SPOCK1: variants seen among roughly 807,000 people sequenced by gnomAD.
SPOCK1 encodes the protein testican-1.
SPOCK1 carries 23 observed loss-of-function variants against 55.3 expected under a neutral mutation model. The ratio of observed to expected loss-of-function variants is 0.42; its 90% CI spans 0.30 to 0.59. The LOEUF (loss-of-function observed/expected upper bound fraction) is 0.59. Among genes scored for constraint, SPOCK1 ranks in the 20% least tolerant of loss-of-function variants. The pLI is 0.22. For synonymous variants in SPOCK1, 226 were observed against 221.0 expected (o/e 1.02, Z -0.20); for missense variants, 499 against 552.5 (o/e 0.90, Z 0.97).
chr5:137,321,180 C>A, intron 2 of SPOCK1, among the ~76,000 whole-genome samples: 1 of 145,506 alleles, frequency 6.9e-6, no homozygotes. Context: ...ATTATTCAGT[C>A]ATAGAAACAC....
intron 4 of SPOCK1, among the ~76,000 whole-genome samples, chr5:137,117,764 A>G (rs1166988362): frequency 1.3e-5 from 2 of 152,056 alleles, no homozygotes; most frequent in African/African-American, 4.8e-5. Context: ...CTCTAGAAAC[A>G]ACTGAGAAGT....
chr5:137,275,992 G>A (rs1381504281), intron 2 of SPOCK1, among the ~76,000 whole-genome samples: 1 of 152,126 alleles, frequency 6.6e-6, no homozygotes, highest in African/African-American at 2.4e-5. Context: ...GCCCTGCCCA[G>A]GCTGTTCACA....
intron 5 of SPOCK1, among the ~76,000 whole-genome samples, chr5:137,078,223 C>T (rs150111727): frequency 2.0e-5 from 3 of 152,214 alleles, no homozygotes; most frequent in Non-Finnish European, 2.9e-5. Flanking sequence ...GCTCAGGCAG[C>T]GCTAGGAGAA....
chr5:137,148,635 A>G (rs1754251537), intron 3 of SPOCK1, among the ~76,000 whole-genome samples: 1 of 152,244 alleles, frequency 6.6e-6, no homozygotes. Flanking sequence ...CTGTCACCCA[A>G]TTAGGGGGCT....
intron 3 of SPOCK1, among the ~76,000 whole-genome samples, chr5:137,249,743 A>G (rs760334768): frequency 1.2e-4 from 18 of 152,254 alleles, no homozygotes; most frequent in Non-Finnish European, 2.6e-4. Context: ...GCCTTCCCAA[A>G]TTATAAGTAA....
intron 2 of SPOCK1, among the ~76,000 whole-genome samples, chr5:137,444,054 C>G (rs1580930564): frequency 6.6e-6 from 1 of 152,168 alleles, no homozygotes; most frequent in South Asian, 2.1e-4. Flanking sequence ...AGTCATCCTA[C>G]CCATGAAGAG....
chr5:137,412,990 A>AG (rs892918072), intron 2 of SPOCK1, among the ~76,000 whole-genome samples: 2 of 152,066 alleles, frequency 1.3e-5, no homozygotes, highest in Non-Finnish European at 2.9e-5. Context: ...GGAAAAAAAA[A>AG]AAGGTACCTT....
chr5:137,138,189 G>A (rs1347407242), intron 4 of SPOCK1, among the ~76,000 whole-genome samples: 1 of 152,182 alleles, frequency 6.6e-6, no homozygotes, highest in Non-Finnish European at 1.5e-5. Flanking sequence ...TGGGAATTGA[G>A]CCCAGATGGG....
intron 2 of SPOCK1, among the ~76,000 whole-genome samples, chr5:137,268,456 T>C (rs1453348305): frequency 6.6e-6 from 1 of 152,172 alleles, no homozygotes; most frequent in Admixed American, 6.5e-5. Flanking sequence ...ACTAAGGAAA[T>C]TTAAAACAGT....
At chr5:137,279,281 G>A (rs1757127427) in intron 2 of SPOCK1, among the ~76,000 whole-genome samples, 1 of 152,250 alleles carries the variant, frequency 6.6e-6, no homozygotes, top group Non-Finnish European at 1.5e-5. Context: ...GGTCTAGCCA[G>A]AGGAGAAGTA....
At chr5:137,017,181 G>A (rs987825050) in intron 6 of SPOCK1, among the ~76,000 whole-genome samples, 1 of 152,244 alleles carries the variant, frequency 6.6e-6, no homozygotes, top group Non-Finnish European at 1.5e-5. Flanking sequence ...TCAGCCACAG[G>A]AGGCAGCACA....
chr5:137,320,061 C>G (rs1221436423), intron 2 of SPOCK1, among the ~76,000 whole-genome samples: 1 of 151,982 alleles, frequency 6.6e-6, no homozygotes, highest in Non-Finnish European at 1.5e-5. Flanking sequence ...TCAAGAACAG[C>G]TACATTGAAA....
chr5:137,190,732 G>A (rs1755165110), intron 3 of SPOCK1, among the ~76,000 whole-genome samples: 1 of 152,034 alleles, frequency 6.6e-6, no homozygotes, highest in Non-Finnish European at 1.5e-5. Context: ...CAGCCTTCAG[G>A]TCCTTCAGGT....
At chr5:137,450,677 A>G (rs1450321469) in intron 2 of SPOCK1, among the ~76,000 whole-genome samples, 1 of 152,076 alleles carries the variant, frequency 6.6e-6, no homozygotes, top group Non-Finnish European at 1.5e-5. Flanking sequence ...ACTTCACAAC[A>G]ATATTCAGCT....
In SPOCK1 at chr5:137,356,798, AATATATATATAT is replaced by A. The variant is rs1191051173; in HGVS notation, c.187-89755_187-89744del. 5.2e-3 allele frequency among the ~76,000 whole-genome samples: 72 copies of A among 13,732 alleles called. 5 individuals are homozygous for A. Among genetic ancestry groups the A allele is most frequent in the African/African-American group, 0.02 (55 of 2,814 alleles). 9.0% of individuals were successfully genotyped at this position (13,732 alleles called of 152,430 possible). A position where few individuals can be genotyped will look rare whatever the true frequency, so the allele number is the denominator to read the frequency against. On this transcript the variant is annotated intron_variant, in intron 2 of 10. Transcript: ENST00000394945. ...AGAGCAAGACTGTCTCAAAAAAAAT[AATATATATATAT>A]ATATATATATATATATATATATATA...
intron 3 of SPOCK1, among the ~76,000 whole-genome samples, chr5:137,176,501 A>AAT (rs930143660): frequency 7.4e-5 from 4 of 53,962 alleles, no homozygotes; most frequent in Non-Finnish European, 1.1e-4. Context: ...CCCCCACCAC[A>AAT]ATGTGTGTGT....
rs114997832 is a variant in SPOCK1 at position 137,461,993 on chromosome 5, C to T, written c.186+36380G>A. Among the ~76,000 whole-genome samples, 998 of 152,248 alleles carry T rather than the reference C, an allele frequency of 6.6e-3. 10 individuals carry two copies. The highest frequency in any genetic ancestry group is 0.023 in the African/African-American group (949 of 41,554). The stretch of plus-strand genomic sequence containing the variant: ...GGAAAACAAGGAGACTCATCCAGAG[C>T]CCCAGATAAAAGGCCAAATGAGGAC... On this transcript the variant is annotated intron_variant, in intron 2 of 10. Transcript: ENST00000394945.
chr5:136,986,689 T>C (rs535905461), intron 8 of SPOCK1, among the ~76,000 whole-genome samples: 9 of 152,174 alleles, frequency 5.9e-5, no homozygotes, highest in African/African-American at 1.9e-4. Flanking sequence ...GGAGGGAATA[T>C]AGTGCAAAAA....
At chr5:137,093,657 C>T (rs1753086971) in intron 5 of SPOCK1, among the ~76,000 whole-genome samples, 1 of 152,158 alleles carries the variant, frequency 6.6e-6, no homozygotes, top group Non-Finnish European at 1.5e-5. Context: ...AGGAGATAAC[C>T]TTCCAGCTAA....
Sources: gnomAD v4.1 joint callset for allele counts (sites outside exome capture counted in the v4.1 genomes callset) on GRCh38, gnomAD v4.1.1 for gene constraint, MANE v1.5 for transcripts, NCBI Gene and HGNC (gene_info 2026-07-23, HGNC 2026-07-21) for gene names.